Variants in TINAG observed in about 807,000 individuals in gnomAD.
TINAG encodes the protein tubulointerstitial nephritis antigen.
TINAG carries 83 observed loss-of-function variants against 72.7 expected under a neutral mutation model. That is an observed-to-expected ratio of 1.14 (90% CI 0.96 to 1.37). The LOEUF (loss-of-function observed/expected upper bound fraction) is 1.37, where lower values mean the gene tolerates loss of function less well. Ranked by LOEUF, TINAG falls within the 40% of genes most tolerant of loss-of-function variation. The pLI, the probability that TINAG is intolerant of heterozygous loss-of-function variation, is 0.00. For missense variants in TINAG, 685 were observed against 576.6 expected (o/e 1.19, Z -1.93); for synonymous variants, 234 against 189.9 (o/e 1.23, Z -1.91).
intron 1 of TINAG, among the ~76,000 whole-genome samples, chr6:54,310,374 C>G (rs1784212345): frequency 1.3e-5 from 2 of 152,040 alleles, no homozygotes; most frequent in South Asian, 4.2e-4. Flanking sequence ...GAATGAATCA[C>G]TGCTCCTAGA....
chr6:54,325,122 T>G (rs900583809), intron 3 of TINAG, among the ~76,000 whole-genome samples: 1 of 152,226 alleles, frequency 6.6e-6, no homozygotes, highest in Non-Finnish European at 1.5e-5. Context: ...GTCACCAAGG[T>G]CATTCTCATC....
rs759953464 is a variant in TINAG at position 54,343,221 on chromosome 6, T to C, written c.625-5T>C. 5.2e-6 allele frequency: 8 copies of C among 1,552,140 alleles called. No homozygotes were observed. The highest frequency in any genetic ancestry group is 7.0e-6 in the Non-Finnish European group (8 of 1,146,866). On this transcript the variant is annotated splice_region_variant and splice_polypyrimidine_tract_variant and intron_variant, in intron 4 of 10. Coordinates refer to ENST00000259782, the MANE Select transcript of TINAG (RefSeq NM_014464.4). ...CTCATATATGTACCTCTTCTTCCTC[T>C]TTAGGCTTCTTTACCTGCAACAACT...
chr6:54,372,727 C>CATATATATATATAT (rs67301819), intron 9 of TINAG, among the ~76,000 whole-genome samples: 4 of 133,952 alleles, frequency 3.0e-5, no homozygotes, highest in South Asian at 2.4e-4. Context: ...TAAATACATA[C>CATATATATATATAT]ATATATATAT....
At chr6:54,337,150 T>C (rs181003823) in intron 4 of TINAG, among the ~76,000 whole-genome samples, 1 of 152,036 alleles carries the variant, frequency 6.6e-6, no homozygotes, top group East Asian at 1.9e-4. Flanking sequence ...TTCAGAAATA[T>C]ATTTCAATGA....
At chr6:54,378,216 G>T (rs183278433) in intron 9 of TINAG, among the ~76,000 whole-genome samples, 2 of 152,234 alleles carry the variant, frequency 1.3e-5, no homozygotes, top group Admixed American at 1.3e-4. Flanking sequence ...TTGCATAAAG[G>T]TTAACACCTT....
chr6:54,346,604 T>A (rs1325397714), intron 5 of TINAG, among the ~76,000 whole-genome samples: 3 of 151,552 alleles, frequency 2.0e-5, no homozygotes, highest in African/African-American at 4.8e-5. Flanking sequence ...TTAATAGTAG[T>A]TACAACAGTT....
chr6:54,367,317 A>T (rs1763462849), intron 9 of TINAG: 1 of 151,788 alleles, frequency 6.6e-6, no homozygotes, highest in African/African-American at 2.4e-5. Flanking sequence ...AGTAAACTGC[A>T]AGGCAAGTAG....
chr6:54,374,431 T>C (rs1375229289), intron 9 of TINAG, among the ~76,000 whole-genome samples: 1 of 152,124 alleles, frequency 6.6e-6, no homozygotes, highest in East Asian at 1.9e-4. Flanking sequence ...CCACATTTCA[T>C]GTTGCTTTCC....
At position 54,327,252 on chromosome 6, in the gene TINAG, C is replaced by G. The variant is rs531378211; in HGVS notation, c.624+336C>G. On this transcript the variant is annotated intron_variant, in intron 4 of 10. Transcript: ENST00000259782. ...TTTCTGCATTACCAACTGAGGTACA[C>G]GGTTCATCTCATTGGGACTGGTTAG... 48 of 1,407,044 alleles carry G rather than the reference C, an allele frequency of 3.4e-5. 1 individual carries two copies. In the East Asian group the frequency reaches 6.1e-4, roughly 18 times the overall value. 87.2% of individuals were successfully genotyped at this position (1,407,044 alleles called of 1,614,324 possible). A position where few individuals can be genotyped will look rare whatever the true frequency, so the allele number is the denominator to read the frequency against.
Position 54,371,105 on chromosome 6 carries a change from G to A in TINAG, c.1251-9421G>A, listed in dbSNP as rs190420645. 8.1e-3 allele frequency among the ~76,000 whole-genome samples: 1,096 copies of A among 134,990 alleles called. 7 individuals carry two copies. The highest frequency in any genetic ancestry group is 0.026 in the Middle Eastern group (7 of 274). The allele number at this position is 134,990 out of a possible 152,430, so 88.6% of individuals were successfully genotyped here. On this transcript the variant is annotated intron_variant, in intron 9 of 10. Transcript: ENST00000259782. ...TACATTCCAAAAAAATGTCACTTAC[G>A]AAAACTGTGTGTGTGTGTGTGTGTG...
chr6:54,353,891 C>T (rs1332488995), intron 8 of TINAG, among the ~76,000 whole-genome samples: 1 of 151,790 alleles, frequency 6.6e-6, no homozygotes, highest in Non-Finnish European at 1.5e-5. Context: ...TTCAACAAAG[C>T]AGCACACAAT....
At chr6:54,363,363 A>G (rs1763298413) in intron 9 of TINAG, among the ~76,000 whole-genome samples, 1 of 151,566 alleles carries the variant, frequency 6.6e-6, no homozygotes, top group Non-Finnish European at 1.5e-5. Flanking sequence ...CTGTATTGCA[A>G]GTAAAAGACA....
In TINAG at chr6:54,369,311, A is replaced by G. The variant is rs116431589; in HGVS notation, c.1251-11215A>G. Among the ~76,000 whole-genome samples, 657 of 152,008 alleles carry G rather than the reference A, an allele frequency of 4.3e-3. 10 individuals carry two copies. The highest frequency in any genetic ancestry group is 0.015 in the African/African-American group (630 of 41,546). ...ATTAGTATAATTTAGAAAAGAAAAGAACTTTGGTCTATTGATATGGAAAGA... is the reference window on the plus strand; with the variant it reads ...ATTAGTATAATTTAGAAAAGAAAAGGACTTTGGTCTATTGATATGGAAAGA... On this transcript the variant is annotated intron_variant, in intron 9 of 10. Coordinates refer to ENST00000259782, the MANE Select transcript of TINAG (RefSeq NM_014464.4).
At chr6:54,373,607 T>G (rs965444230) in intron 9 of TINAG, among the ~76,000 whole-genome samples, 1 of 152,116 alleles carries the variant, frequency 6.6e-6, no homozygotes, top group African/African-American at 2.4e-5. Flanking sequence ...AGAGTCTGAT[T>G]GGTTTTGTGG....
Position 54,347,500 on chromosome 6 carries a change from G to A in TINAG, c.882G>A (p.Trp294Ter). 3 of 1,612,426 alleles carry A rather than the reference G, an allele frequency of 1.9e-6. No homozygotes were observed. The highest frequency in any genetic ancestry group is 2.5e-6 in the Non-Finnish European group (3 of 1,179,084). ...GTGGAAGCATCGATAGGGCTTGGTGGTACCTGAGAAAACGTGGGTAAATAG... is the reference window on the plus strand; with the variant it reads ...GTGGAAGCATCGATAGGGCTTGGTGATACCTGAGAAAACGTGGGTAAATAG... ...CNSGSIDRAW[W>*]YLRKRGLVSH... Residue 294 changes from tryptophan (W) to a stop codon, truncating the protein, a stop_gained, in exon 6 of 11, where the codon TGG (tryptophan) becomes TGA (stop). Transcript: ENST00000259782. LOFTEE classifies it high-confidence loss of function.
At chr6:54,378,167 T>G (rs1412342225) in intron 9 of TINAG, among the ~76,000 whole-genome samples, 1 of 152,194 alleles carries the variant, frequency 6.6e-6, no homozygotes, top group African/African-American at 2.4e-5. Context: ...TTCTGTGGTG[T>G]TATTTTTCCA....
At chr6:54,362,429 A>G (rs1189344089) in intron 9 of TINAG, among the ~76,000 whole-genome samples, 1 of 151,664 alleles carries the variant, frequency 6.6e-6, no homozygotes, top group Non-Finnish European at 1.5e-5. Flanking sequence ...TGTTTATAAC[A>G]TGGTTCATTG....
In TINAG at chr6:54,334,965, A is replaced by C. The variant is rs549167183; in HGVS notation, c.624+8049A>C. On this transcript the variant is annotated intron_variant, in intron 4 of 10. Transcript: ENST00000259782. ...AAAAAGAGTTTTTTTTTTCTGTTTTATTTCTCATTTTTGTTCTTACCCAGT... is the reference window on the plus strand; with the variant it reads ...AAAAAGAGTTTTTTTTTTCTGTTTTCTTTCTCATTTTTGTTCTTACCCAGT... Among the ~76,000 whole-genome samples, 18 of 151,316 alleles carry C rather than the reference A, an allele frequency of 1.2e-4. No homozygotes were observed. The East Asian group carries it at 3.5e-3, about 29-fold the overall frequency.
chr6:54,374,348 A>G lies in TINAG; in HGVS notation c.1251-6178A>G, dbSNP rs149538274. 3.0e-3 allele frequency among the ~76,000 whole-genome samples: 450 copies of G among 152,192 alleles called. 2 individuals carry two copies. The highest frequency in any genetic ancestry group is 9.8e-3 in the African/African-American group (409 of 41,560). ...CAGAACATATCGATAAAAGTACCTG[A>G]TCTTAGATATATTGAACCCTAGCTT... On this transcript the variant is annotated intron_variant, in intron 9 of 10. Coordinates refer to ENST00000259782, the MANE Select transcript of TINAG (RefSeq NM_014464.4).
Sources: allele counts gnomAD v4.1 joint callset (sites outside exome capture counted in the v4.1 genomes callset), GRCh38; gene constraint gnomAD v4.1.1; transcripts MANE v1.5; gene names NCBI Gene and HGNC (gene_info 2026-07-23, HGNC 2026-07-21).